RUFY3: variants seen among roughly 807,000 people sequenced by gnomAD.
RUFY3 encodes the protein protein RUFY3.
Under a neutral mutation model 84.0 loss-of-function variants are expected in RUFY3, and 34 were observed. The ratio of observed to expected loss-of-function variants is 0.40; its 90% confidence interval spans 0.31 to 0.54. The LOEUF (loss-of-function observed/expected upper bound fraction) is 0.54, where lower values mean the gene tolerates loss of function less well. RUFY3 is among the 20% of genes least tolerant of loss of function. The pLI is 0.39. For missense variants in RUFY3, 507 were observed against 736.8 expected, an observed-to-expected ratio of 0.69 and a Z score of 3.61; for synonymous variants, 242 against 252.9, an observed-to-expected ratio of 0.96 and a Z score of 0.41.
In RUFY3 at chr4:70,712,132, C is replaced by G. The variant is rs561253959; in HGVS notation, c.358+6838C>G. On this transcript the variant is annotated intron_variant, in intron 1 of 11. Coordinates refer to the RUFY3 transcript ENST00000417478. ...GTTTTATTCTGGACACTAGAGAGTC[C>G]TAAAAGGCTCTTCATTATATAACAA... Among the ~76,000 whole-genome samples, 4 of 152,186 alleles carry G rather than the reference C, an allele frequency of 2.6e-5. No individual in the cohort carries two copies. In the East Asian group the frequency reaches 7.7e-4, roughly 29 times the overall value.
chr4:70,807,983 G>A lies in RUFY3; in HGVS notation c.*1324G>A, dbSNP rs888813673. Reference sequence around the variant, plus strand: ...GTTCCAGGAACCCAACTTGATATCAGAATCCATGGGTGCTCAAGTCCCATT... The same window carrying A: ...GTTCCAGGAACCCAACTTGATATCAAAATCCATGGGTGCTCAAGTCCCATT... On this transcript the variant is annotated 3_prime_UTR_variant, in exon 18 of 18. Transcript: ENST00000381006. Among the ~76,000 whole-genome samples, 1 of 152,110 alleles carries A rather than the reference G, an allele frequency of 6.6e-6. No homozygotes were observed. Among genetic ancestry groups the A allele is most frequent in the African/African-American group, 2.4e-5 (1 of 41,426 alleles).
intron 1 of RUFY3, among the ~76,000 whole-genome samples, chr4:70,743,405 C>G (rs1021377755): frequency 6.6e-6 from 1 of 151,986 alleles, no homozygotes; most frequent in African/African-American, 2.4e-5. Flanking sequence ...GGCTAGGCAC[C>G]ACCAGGTTTA....
intron 1 of RUFY3, among the ~76,000 whole-genome samples, chr4:70,741,877 C>G (rs1441703800): frequency 6.6e-6 from 1 of 152,170 alleles, no homozygotes. Context: ...AAGATATTTG[C>G]TGAATAACGT....
At chr4:70,710,820 T>G (rs1261078017) in intron 1 of RUFY3, among the ~76,000 whole-genome samples, 2 of 151,554 alleles carry the variant, frequency 1.3e-5, no homozygotes, top group Non-Finnish European at 2.9e-5. Context: ...CCCAGCACTT[T>G]GGGAGGCCAA....
At chr4:70,742,990 CAAG>C (rs1395468791) in intron 1 of RUFY3, among the ~76,000 whole-genome samples, 3 of 151,838 alleles carry the variant, frequency 2.0e-5, no homozygotes, top group Admixed American at 6.6e-5. Flanking sequence ...AGTTCACAGA[CAAG>C]AAAAAAGAGA....
Position 70,763,685 on chromosome 4 carries a change from A to G in RUFY3, c.470+16A>G. 5 of 1,601,144 alleles carry G rather than the reference A, an allele frequency of 3.1e-6. No individual in the cohort carries two copies. Among genetic ancestry groups the G allele is most frequent in the Non-Finnish European group, 4.3e-6 (5 of 1,175,726 alleles). On this transcript the variant is annotated intron_variant, in intron 3 of 17. Coordinates refer to ENST00000381006, the MANE Select transcript of RUFY3 (RefSeq NM_001037442.4). ...CAGGACTTAAGTAAGTCTAAGGTTGAATTCCATTTCTCAGGAACAGCATTC... is the reference window on the plus strand; with the variant it reads ...CAGGACTTAAGTAAGTCTAAGGTTGGATTCCATTTCTCAGGAACAGCATTC...
At chr4:70,729,266 T>G (rs1367473666) in intron 1 of RUFY3, among the ~76,000 whole-genome samples, 2 of 150,830 alleles carry the variant, frequency 1.3e-5, no homozygotes, top group South Asian at 2.1e-4. Flanking sequence ...AGTTTTTTTG[T>G]TTTTTTTTGA....
At chr4:70,780,645 T>A (rs1728760609) in intron 8 of RUFY3, among the ~76,000 whole-genome samples, 1 of 152,242 alleles carries the variant, frequency 6.6e-6, no homozygotes, top group African/African-American at 2.4e-5. Context: ...ATTCCTTGAT[T>A]TATTTATCTA....
At chr4:70,755,215 G>C (rs1723802028) in intron 1 of RUFY3, among the ~76,000 whole-genome samples, 1 of 152,154 alleles carries the variant, frequency 6.6e-6, no homozygotes, top group Non-Finnish European at 1.5e-5. Flanking sequence ...ACACATCTTT[G>C]AAAAGTCTTC....
intron 12 of RUFY3, chr4:70,791,808 A>G (rs1730866153): frequency 1.0e-6 from 1 of 986,168 alleles, no homozygotes; most frequent in African/African-American, 1.7e-5. Context: ...CTTTTGTTAT[A>G]TAGGTTTAAT....
chr4:70,759,482 A>G (rs1202648302), intron 1 of RUFY3, among the ~76,000 whole-genome samples: 1 of 152,152 alleles, frequency 6.6e-6, no homozygotes, highest in East Asian at 1.9e-4. Context: ...TGAATTAAAC[A>G]TGGGAATGCA....
chr4:70,713,955 C>T (rs910305578), intron 1 of RUFY3, among the ~76,000 whole-genome samples: 5 of 152,178 alleles, frequency 3.3e-5, no homozygotes, highest in African/African-American at 1.2e-4. Context: ...TTCCAGAACT[C>T]TCAAAGGAGA....
Position 70,806,914 on chromosome 4 carries a change from G to T in RUFY3, c.*255G>T. ...CTAAACAACCTGATATTGAAGGTTT[G>T]CTTTATAGCATATCTTTGGAAAGGC... On this transcript the variant is annotated 3_prime_UTR_variant, in exon 18 of 18. Coordinates refer to ENST00000381006, the MANE Select transcript of RUFY3 (RefSeq NM_001037442.4). 3.0e-6 allele frequency: 1 copy of T among 338,858 alleles called. No individual in the cohort carries two copies. Among genetic ancestry groups the T allele is most frequent in the Non-Finnish European group, 5.3e-6 (1 of 187,240 alleles). The allele number at this position is 338,858 out of a possible 1,614,324, so 21.0% of individuals were successfully genotyped here.
intron 12 of RUFY3, chr4:70,791,456 T>C (rs1038684873): frequency 2.9e-6 from 4 of 1,377,932 alleles, no homozygotes; most frequent in South Asian, 2.0e-5. Flanking sequence ...GTTGGAAATA[T>C]AGGTTGGGTT....
rs149509347 is a variant in RUFY3 at position 70,729,286 on chromosome 4, TCA to T, written c.178+6538_178+6539del. Among the ~76,000 whole-genome samples, 457 of 152,186 alleles carry T rather than the reference TCA, an allele frequency of 3.0e-3. 3 individuals are homozygous for T. The highest frequency in any genetic ancestry group is 0.011 in the African/African-American group (442 of 41,524). On this transcript the variant is annotated intron_variant, in intron 1 of 17. Coordinates refer to ENST00000381006, the MANE Select transcript of RUFY3 (RefSeq NM_001037442.4). ...TTTTGTTTTTTTTTGAGACAGAGTC[TCA>T]CAGTGTCACCTGGACTGGAGTGCAA... is the stretch of plus-strand genomic sequence containing the variant.
chr4:70,784,356 G>A (rs1462436915), intron 9 of RUFY3, among the ~76,000 whole-genome samples: 3 of 152,086 alleles, frequency 2.0e-5, no homozygotes, highest in Non-Finnish European at 4.4e-5. Flanking sequence ...GGTGGCGCAC[G>A]CCTATAATCC....
At chr4:70,780,035 C>T (rs1349657889) in intron 8 of RUFY3, among the ~76,000 whole-genome samples, 2 of 152,028 alleles carry the variant, frequency 1.3e-5, no homozygotes, top group East Asian at 3.9e-4. Context: ...TTTTTTATTA[C>T]TCAACTCTGT....
At chr4:70,802,893 A>C in intron 15 of RUFY3, 63 bp from the exon 16 acceptor site, 1 of 1,194,030 alleles carries the variant, frequency 8.4e-7, no homozygotes, top group Non-Finnish European at 1.2e-6. Context: ...TTTTTATTGA[A>C]ATGATATAAA....
At chr4:70,711,110 G>T (rs1223787378) in intron 1 of RUFY3, among the ~76,000 whole-genome samples, 1 of 141,202 alleles carries the variant, frequency 7.1e-6, no homozygotes, top group Non-Finnish European at 1.5e-5. Flanking sequence ...TCAAAGAAGA[G>T]CCAAAGTGAA....
Sources: gnomAD v4.1 joint callset for allele counts (sites outside exome capture counted in the v4.1 genomes callset) on GRCh38, gnomAD v4.1.1 for gene constraint, MANE v1.5 for transcripts, NCBI Gene and HGNC (gene_info 2026-07-23, HGNC 2026-07-21) for gene names.